The following CSTPP1 variants were observed in gnomAD, a reference collection of about 807,000 sequenced individuals.
The protein encoded by CSTPP1 is UPF0705 protein C11orf49.
chr11:47,053,711 G>C, the CSTPP1 span, among the ~76,000 whole-genome samples: 3 of 151,874 alleles, frequency 2.0e-5, no homozygotes, highest in African/African-American at 7.3e-5. Flanking sequence ...GGAGCCCAAG[G>C]TGGGAGGATC....
chr11:47,028,299 T>C, the CSTPP1 span, among the ~76,000 whole-genome samples: 5 of 152,352 alleles, frequency 3.3e-5, no homozygotes, highest in Non-Finnish European at 7.3e-5. Context: ...AACCTATCAA[T>C]TCATGATGCA....
At chr11:47,139,179 T>C in the CSTPP1 span, among the ~76,000 whole-genome samples, 1 of 152,212 alleles carries the variant, frequency 6.6e-6, no homozygotes, top group Non-Finnish European at 1.5e-5. Context: ...CCCTTTAAAA[T>C]GATCCTTTGT....
chr11:47,101,188 T>TTTTTTTTTTTTTTTTTTC, the CSTPP1 span, among the ~76,000 whole-genome samples: 2 of 101,946 alleles, frequency 2.0e-5, 1 homozygote, highest in Non-Finnish European at 3.6e-5. Context: ...TTTTTTTTTT[T>TTTTTTTTTTTTTTTTTTC]TATTTTATTT....
the CSTPP1 span, among the ~76,000 whole-genome samples, chr11:47,075,738 G>T: frequency 6.6e-6 from 1 of 151,834 alleles, no homozygotes; most frequent in Non-Finnish European, 1.5e-5. Context: ...GGCCAGGGTG[G>T]TTAAGCCCCG....
the CSTPP1 span, among the ~76,000 whole-genome samples, chr11:46,946,582 C>T: frequency 6.6e-6 from 1 of 152,160 alleles, no homozygotes; most frequent in African/African-American, 2.4e-5. Context: ...GGTGTGAACC[C>T]GGGAGGCGGA....
chr11:47,157,952 C>T, the CSTPP1 span: 11 of 1,580,346 alleles, frequency 7.0e-6, no homozygotes, highest in Non-Finnish European at 9.6e-6. Flanking sequence ...CCGTCAGCCT[C>T]TCCTGCCGCA....
chr11:46,988,413 A>G, the CSTPP1 span, among the ~76,000 whole-genome samples: 1 of 152,224 alleles, frequency 6.6e-6, no homozygotes, highest in Non-Finnish European at 1.5e-5. Context: ...ATTTGCAACA[A>G]CATGAATGGA....
the CSTPP1 span, chr11:47,164,009 C>T: frequency 6.8e-7 from 1 of 1,474,174 alleles, no homozygotes; most frequent in East Asian, 2.3e-5. Flanking sequence ...TGACAAGGGG[C>T]AGGACTGCTG....
chr11:47,126,523 C>T, the CSTPP1 span, among the ~76,000 whole-genome samples: 3 of 152,086 alleles, frequency 2.0e-5, no homozygotes, highest in Admixed American at 6.6e-5. Context: ...AACTACTTCC[C>T]GCCTAGGCTA....
At chr11:47,016,388 TA>T in the CSTPP1 span, among the ~76,000 whole-genome samples, 2 of 76,210 alleles carry the variant, frequency 2.6e-5, no homozygotes, top group African/African-American at 1.1e-4. Flanking sequence ...CTATGGAATC[TA>T]CAAAAAACAA....
the CSTPP1 span, among the ~76,000 whole-genome samples, chr11:47,141,914 CA>C: frequency 2.0e-5 from 2 of 97,898 alleles, no homozygotes; most frequent in Non-Finnish European, 3.6e-5. Context: ...GCCTGGGCAA[CA>C]GAGCTAGACT....
the CSTPP1 span, among the ~76,000 whole-genome samples, chr11:47,071,162 C>G: frequency 6.6e-6 from 1 of 152,178 alleles, no homozygotes; most frequent in Admixed American, 6.5e-5. Context: ...GATACATAGT[C>G]TCTTTCATAA....
At chr11:47,152,698 A>T in the CSTPP1 span, among the ~76,000 whole-genome samples, 1 of 152,220 alleles carries the variant, frequency 6.6e-6, no homozygotes, top group Admixed American at 6.5e-5. Context: ...ACGCTTTTAA[A>T]GGGTGACTTT....
At chr11:47,027,606 GA>G in the CSTPP1 span, among the ~76,000 whole-genome samples, 1 of 152,026 alleles carries the variant, frequency 6.6e-6, no homozygotes, top group Non-Finnish European at 1.5e-5. Context: ...TACTTAGGCA[GA>G]AAAAAAATCT....
At chr11:47,113,800 C>A in the CSTPP1 span, among the ~76,000 whole-genome samples, 1 of 152,144 alleles carries the variant, frequency 6.6e-6, no homozygotes, top group Admixed American at 6.5e-5. Flanking sequence ...TTTAGGTTGC[C>A]TGTTCACTCT....
At chr11:46,973,067 A>G in the CSTPP1 span, among the ~76,000 whole-genome samples, 2 of 152,224 alleles carry the variant, frequency 1.3e-5, no homozygotes, top group African/African-American at 2.4e-5. Context: ...TGTAAGGTTC[A>G]ATGAGATAAT....
chr11:47,041,444 C>T, the CSTPP1 span: 3 of 289,120 alleles, frequency 1.0e-5, 1 homozygote, highest in African/African-American at 6.4e-5. Context: ...GTCCCCAAGA[C>T]CTAGAACGTT....
At chr11:47,094,217 A>T in the CSTPP1 span, among the ~76,000 whole-genome samples, 1,230 of 152,350 alleles carry the variant, frequency 8.1e-3, 131 homozygotes, top group East Asian at 0.2. Context: ...TCCAATATGT[A>T]GCCACTAGCC....
At chr11:47,160,819 G>C in the CSTPP1 span, 1 of 403,946 alleles carries the variant, frequency 2.5e-6, no homozygotes, top group Non-Finnish European at 4.5e-6. Context: ...GCCTCAAGAA[G>C]GAACTCAACT....
Sources: gnomAD v4.1 joint callset for allele counts (sites outside exome capture counted in the v4.1 genomes callset) on GRCh38, gnomAD v4.1.1 for gene constraint, MANE v1.5 for transcripts, NCBI Gene and HGNC (gene_info 2026-07-23, HGNC 2026-07-21) for gene names.